Variants in PCDHA1 observed in about 807,000 individuals in gnomAD.
The protein encoded by PCDHA1 is protocadherin alpha 1, also known as protocadherin alpha-1.
PCDHA1 carries 42 observed loss-of-function variants against 61.3 expected under a neutral mutation model. That is an observed-to-expected ratio of 0.69 (90% CI 0.54 to 0.89). The LOEUF is 0.89. Ranked by LOEUF, PCDHA1 falls within the 40% of genes least tolerant of loss-of-function variation. The pLI, the probability that PCDHA1 is intolerant of heterozygous loss-of-function variation, is 0.00. For missense variants in PCDHA1, 1,256 were observed against 1,235.3 expected (o/e 1.02, Z -0.25); for synonymous variants, 610 against 553.8 (o/e 1.10, Z -1.43).
At chr5:140,857,407 G>A (rs372428918) in intron 1 of PCDHA1, 10 of 1,598,382 alleles carry the variant, frequency 6.3e-6, no homozygotes, top group Non-Finnish European at 8.6e-6. Flanking sequence ...ACGCGCCTGC[G>A]TTCGCGCAGT....
At chr5:140,858,377 T>C in intron 1 of PCDHA1, 3 of 1,587,044 alleles carry the variant, frequency 1.9e-6, no homozygotes, top group Non-Finnish European at 2.6e-6. Flanking sequence ...CCTTCCACCA[T>C]GCCCAATGGT....
At chr5:140,825,975 G>A (rs1262367977) in intron 1 of PCDHA1, 2 of 152,286 alleles carry the variant, frequency 1.3e-5, no homozygotes, top group Admixed American at 6.5e-5. Context: ...GAGGGGAAAA[G>A]TATGGATTTA....
Position 141,010,026 on chromosome 5 carries a change from T to C in PCDHA1, c.*89T>C. On this transcript the variant is annotated 3_prime_UTR_variant, in exon 4 of 4. Transcript: ENST00000504120. ...AGCAATTCCCTGCTCCTTTTTCCTA[T>C]CTACATGAGCCCTCTTAGAGACCTC... 1 of 1,574,670 alleles carries C rather than the reference T, an allele frequency of 6.4e-7. No homozygotes were observed. The highest frequency in any genetic ancestry group is 8.6e-7 in the Non-Finnish European group (1 of 1,164,154).
At chr5:140,910,854 T>G (rs2075197535) in intron 1 of PCDHA1, among the ~76,000 whole-genome samples, 1 of 152,212 alleles carries the variant, frequency 6.6e-6, no homozygotes, top group East Asian at 1.9e-4. Flanking sequence ...GGATCTATGT[T>G]CCATCCACCA....
At chr5:140,877,851 A>G in intron 1 of PCDHA1, 1 of 1,546,284 alleles carries the variant, frequency 6.5e-7, no homozygotes, top group South Asian at 1.3e-5. Context: ...TAAGTTATTA[A>G]TATTATTTAG....
chr5:140,829,393 G>T (rs2150166989), intron 1 of PCDHA1: 5 of 1,614,050 alleles, frequency 3.1e-6, no homozygotes, highest in Admixed American at 3.3e-5. Context: ...GCTCGCCTTC[G>T]CTGTGGGCCA....
At chr5:140,803,612 C>T (rs577997860) in intron 1 of PCDHA1, 2 of 1,614,002 alleles carry the variant, frequency 1.2e-6, no homozygotes, top group East Asian at 2.2e-5. Context: ...TTTATTTATT[C>T]TTTCCAAAAT....
At chr5:140,846,304 C>T (rs183413454) in intron 1 of PCDHA1, among the ~76,000 whole-genome samples, 1 of 148,754 alleles carries the variant, frequency 6.7e-6, no homozygotes, top group East Asian at 1.9e-4. Flanking sequence ...ATTAAGTAAA[C>T]CATTTATGTA....
intron 1 of PCDHA1, chr5:140,969,445 A>G (rs2096331821): frequency 1.9e-6 from 3 of 1,542,150 alleles, no homozygotes; most frequent in Non-Finnish European, 2.6e-6. Context: ...TATCTGGTAA[A>G]CTGAGTATAT....
rs1337537154 is a variant in PCDHA1, at chr5:140,853,299, T to G, written c.2394+64615T>G. 5.1e-6 allele frequency: 5 copies of G among 982,044 alleles called. No homozygotes were observed. In the African/African-American group the frequency reaches 7.1e-5, roughly 14 times the overall value. 60.8% of individuals were successfully genotyped at this position (982,044 alleles called of 1,614,324 possible). The stretch of plus-strand genomic sequence containing the variant: ...ATCATATGCAAATTCTCAGAAGGGC[T>G]GTGAACACCTTAGTAATAAATTTAT... On this transcript the variant is annotated intron_variant, in intron 1 of 3. Coordinates refer to ENST00000504120, the MANE Select transcript of PCDHA1 (RefSeq NM_018900.4).
intron 3 of PCDHA1, among the ~76,000 whole-genome samples, chr5:140,991,620 T>C (rs2097462467): frequency 6.6e-6 from 1 of 152,212 alleles, no homozygotes; most frequent in Non-Finnish European, 1.5e-5. Flanking sequence ...TTTAATGCCA[T>C]ATTTGTAATA....
At chr5:140,853,596 A>G (rs2042799204) in intron 1 of PCDHA1, 1 of 986,974 alleles carries the variant, frequency 1.0e-6, no homozygotes, top group Non-Finnish European at 1.2e-6. Flanking sequence ...ACACTTTGAG[A>G]GCAAAGGGGG....
At chr5:140,932,028 G>A (rs1299372751) in intron 1 of PCDHA1, among the ~76,000 whole-genome samples, 1 of 151,864 alleles carries the variant, frequency 6.6e-6, no homozygotes, top group South Asian at 2.1e-4. Flanking sequence ...TAAGTTTACA[G>A]TATATATTAA....
chr5:140,837,063 T>G, intron 1 of PCDHA1: 1 of 187,816 alleles, frequency 5.3e-6, no homozygotes, highest in South Asian at 1.4e-4. Flanking sequence ...TTCCATATTT[T>G]GATAATCAAT....
At chr5:140,968,781 C>G in intron 1 of PCDHA1, 1 of 1,614,182 alleles carries the variant, frequency 6.2e-7, no homozygotes. Context: ...TCACTATCAG[C>G]CTCTGTGGCC....
intron 1 of PCDHA1, chr5:140,966,951 C>T (rs781885198): frequency 6.2e-7 from 1 of 1,603,742 alleles, no homozygotes; most frequent in Non-Finnish European, 8.5e-7. Context: ...GGCAACGTGG[C>T]TCGCGCGCTG....
chr5:140,905,130 GT>G (rs1448449678), intron 1 of PCDHA1, among the ~76,000 whole-genome samples: 11 of 152,178 alleles, frequency 7.2e-5, no homozygotes, highest in African/African-American at 2.7e-4. Flanking sequence ...GTCTAGAAGA[GT>G]TTTTCTGCTG....
At chr5:140,884,115 T>C (rs782303871) in intron 1 of PCDHA1, 2 of 1,613,170 alleles carry the variant, frequency 1.2e-6, no homozygotes, top group African/African-American at 2.7e-5. Context: ...CTGGCGGCGG[T>C]CGGCGCGCGC....
intron 1 of PCDHA1, among the ~76,000 whole-genome samples, chr5:140,951,285 A>T (rs1267785922): frequency 6.6e-6 from 1 of 152,100 alleles, no homozygotes; most frequent in East Asian, 1.9e-4. Context: ...GTAATTTTGG[A>T]TTATATCTTG....
Sources: allele counts gnomAD v4.1 joint callset (sites outside exome capture counted in the v4.1 genomes callset), GRCh38; gene constraint gnomAD v4.1.1; transcripts MANE v1.5; gene names NCBI Gene and HGNC (gene_info 2026-07-23, HGNC 2026-07-21).